Variants in RBFOX1 observed in about 807,000 individuals in gnomAD.
The protein encoded by RBFOX1 is RNA binding protein fox-1 homolog 1.
RBFOX1 carries 8 observed loss-of-function variants against 57.7 expected under a neutral mutation model. The ratio of observed to expected loss-of-function variants is 0.14; its 90% CI spans 0.08 to 0.25. The LOEUF (loss-of-function observed/expected upper bound fraction) is 0.25, where lower values mean the gene tolerates loss of function less well. Among genes scored for constraint, RBFOX1 ranks in the 10% least tolerant of loss-of-function variants. RBFOX1 has a pLI of 1.00. For missense variants in RBFOX1, 611 were observed against 548.5 expected, an observed-to-expected ratio of 1.11 and a Z score of -1.14; for synonymous variants, 326 against 222.4, an observed-to-expected ratio of 1.47 and a Z score of -4.15.
chr16:7,318,965 C>T (rs2096494274), intron 4 of RBFOX1, among the ~76,000 whole-genome samples: 1 of 152,096 alleles, frequency 6.6e-6, no homozygotes, highest in Admixed American at 6.6e-5. Context: ...AATGTTAGGT[C>T]CCAGTGGGAG....
At chr16:7,687,227 T>TA (rs58070575) in intron 14 of RBFOX1, among the ~76,000 whole-genome samples, 2,255 of 152,114 alleles carry the variant, frequency 0.015, 42 homozygotes, top group African/African-American at 0.052. Flanking sequence ...ACAGGGCAGG[T>TA]AAAAAATATG....
At chr16:6,168,685 C>T (rs928608326) in intron 1 of RBFOX1, among the ~76,000 whole-genome samples, 2 of 152,150 alleles carry the variant, frequency 1.3e-5, no homozygotes, top group Admixed American at 6.5e-5. Flanking sequence ...TCACCTCTGC[C>T]ACTCCTGGGG....
intron 3 of RBFOX1, among the ~76,000 whole-genome samples, chr16:6,691,608 G>C (rs540666504): frequency 6.6e-6 from 1 of 152,278 alleles, no homozygotes; most frequent in South Asian, 2.1e-4. Context: ...AAGAAAGAAT[G>C]TGTGCCTCCA....
At chr16:6,068,260 CTTCAGCCTTACT>C (rs537966659) in intron 1 of RBFOX1, among the ~76,000 whole-genome samples, 6 of 152,310 alleles carry the variant, frequency 3.9e-5, no homozygotes, top group African/African-American at 1.2e-4. Context: ...CTTCAGCAGA[CTTCAGCCTTACT>C]TTGTTTTCAG....
intron 4 of RBFOX1, among the ~76,000 whole-genome samples, chr16:7,217,905 CATGT>C (rs1269132848): frequency 6.6e-4 from 58 of 88,246 alleles, no homozygotes; most frequent in Admixed American, 2.0e-3. Flanking sequence ...TATGTGTGTG[CATGT>C]GTGTGTGTGA....
intron 2 of RBFOX1, among the ~76,000 whole-genome samples, chr16:6,587,786 AC>A (rs2097650998): frequency 1.3e-5 from 2 of 152,180 alleles, no homozygotes; most frequent in African/African-American, 4.8e-5. Context: ...AACCCATATA[AC>A]TTTTGTGTAG....
At chr16:5,248,969 C>G (rs147579315) in intron 1 of RBFOX1, among the ~76,000 whole-genome samples, 1,177 of 105,778 alleles carry the variant, frequency 0.011, 17 homozygotes, top group African/African-American at 0.041. Context: ...GCCTGGACAA[C>G]AGAGCAAGAC....
chr16:7,057,220 T>A (rs1478716), intron 4 of RBFOX1, among the ~76,000 whole-genome samples: 16 of 152,142 alleles, frequency 1.1e-4, no homozygotes, highest in Non-Finnish European at 2.2e-4. Flanking sequence ...GTATTTGATT[T>A]CATGGTGAAG....
At chr16:7,400,643 C>G (rs577179165) in intron 4 of RBFOX1, among the ~76,000 whole-genome samples, 43 of 152,284 alleles carry the variant, frequency 2.8e-4, no homozygotes, top group African/African-American at 9.9e-4. Flanking sequence ...TTTGAGTCTG[C>G]TCATTCTTCA....
At chr16:7,028,356 G>A (rs2041603574) in intron 3 of RBFOX1, among the ~76,000 whole-genome samples, 1 of 152,060 alleles carries the variant, frequency 6.6e-6, no homozygotes, top group African/African-American at 2.4e-5. Flanking sequence ...GCTGGAGTTA[G>A]ATGGGATGGA....
chr16:6,488,081 C>G (rs888744132), intron 2 of RBFOX1, among the ~76,000 whole-genome samples: 1 of 152,122 alleles, frequency 6.6e-6, no homozygotes, highest in African/African-American at 2.4e-5. Flanking sequence ...AACAACCAAA[C>G]AAATCAAGGT....
At chr16:5,274,452 C>T (rs1307256054) in intron 1 of RBFOX1, among the ~76,000 whole-genome samples, 2 of 152,172 alleles carry the variant, frequency 1.3e-5, no homozygotes, top group Non-Finnish European at 2.9e-5. Context: ...TCGCTTGAAC[C>T]CAGGGGGCGG....
chr16:6,463,649 T>C (rs535558981), intron 2 of RBFOX1, among the ~76,000 whole-genome samples: 4 of 152,288 alleles, frequency 2.6e-5, no homozygotes, highest in Non-Finnish European at 4.4e-5. Flanking sequence ...GCTCAACCAA[T>C]GTCGTGAGCA....
intron 3 of RBFOX1, among the ~76,000 whole-genome samples, chr16:6,860,728 CTGTG>C (rs997090270): frequency 1.3e-5 from 2 of 152,098 alleles, no homozygotes; most frequent in African/African-American, 4.8e-5. Context: ...AATTAGATCT[CTGTG>C]TGCCAGTGTG....
chr16:6,686,916 T>C (rs1045035061), intron 3 of RBFOX1, among the ~76,000 whole-genome samples: 1 of 152,250 alleles, frequency 6.6e-6, no homozygotes, highest in South Asian at 2.1e-4. Flanking sequence ...TTAATTTGTG[T>C]ACCTGATTTG....
chr16:6,602,413 T>C (rs2154008768), intron 2 of RBFOX1, among the ~76,000 whole-genome samples: 1 of 152,256 alleles, frequency 6.6e-6, no homozygotes. Context: ...TTTGTCTGAG[T>C]ATAGGATGGT....
intron 1 of RBFOX1, among the ~76,000 whole-genome samples, chr16:5,466,173 G>C (rs2068947441): frequency 6.6e-6 from 1 of 152,250 alleles, no homozygotes; most frequent in Non-Finnish European, 1.5e-5. Flanking sequence ...GTCAGAGAGA[G>C]AAAGAAAGAG....
chr16:7,099,883 T>C (rs1326609989), intron 4 of RBFOX1, among the ~76,000 whole-genome samples: 1 of 152,122 alleles, frequency 6.6e-6, no homozygotes, highest in African/African-American at 2.4e-5. Context: ...TAGCAGGTTT[T>C]AGGGAGAATA....
At chr16:7,225,959 A>G (rs1281502587) in intron 4 of RBFOX1, among the ~76,000 whole-genome samples, 4 of 150,264 alleles carry the variant, frequency 2.7e-5, no homozygotes, top group South Asian at 4.2e-4. Context: ...TGTCAGGAAT[A>G]GCTGAATCAA....
Sources: allele counts gnomAD v4.1 joint callset (sites outside exome capture counted in the v4.1 genomes callset), GRCh38; gene constraint gnomAD v4.1.1; transcripts MANE v1.5; gene names NCBI Gene and HGNC (gene_info 2026-07-23, HGNC 2026-07-21).